Variants in DTNBP1 observed in about 807,000 individuals in gnomAD.
DTNBP1 encodes the protein dystrobrevin binding protein 1, also known as dysbindin.
In DTNBP1, 35 loss-of-function variants were observed where a neutral mutation model predicts 42.8. The observed-to-expected ratio is 0.82, with a 90% CI of 0.63 to 1.09. The LOEUF (loss-of-function observed/expected upper bound fraction) is 1.09. Ranked by LOEUF, DTNBP1 falls within the 50% of genes least tolerant of loss-of-function variation. The pLI is 0.00. For missense variants in DTNBP1, 457 were observed against 424.2 expected, an observed-to-expected ratio of 1.08 and a Z score of -0.68; for synonymous variants, 171 against 162.2, an observed-to-expected ratio of 1.05 and a Z score of -0.41.
intron 7 of DTNBP1, among the ~76,000 whole-genome samples, chr6:15,571,736 G>A (rs911477601): frequency 2.0e-5 from 3 of 152,130 alleles, no homozygotes; most frequent in Non-Finnish European, 4.4e-5. Context: ...CAGCTGCACT[G>A]TGAACTTCCT....
intron 7 of DTNBP1, among the ~76,000 whole-genome samples, chr6:15,549,505 A>AG: frequency 6.6e-6 from 1 of 150,904 alleles, no homozygotes; most frequent in East Asian, 1.9e-4. Context: ...AAAAAAAAAA[A>AG]AAAAAAAAAA....
intron 3 of DTNBP1, among the ~76,000 whole-genome samples, chr6:15,649,758 G>A (rs1195404481): frequency 6.6e-6 from 1 of 152,144 alleles, no homozygotes; most frequent in East Asian, 1.9e-4. Context: ...TCAGTGCGAT[G>A]TATAAACACA....
At chr6:15,577,478 TG>T (rs1298980978) in intron 7 of DTNBP1, among the ~76,000 whole-genome samples, 1 of 152,220 alleles carries the variant, frequency 6.6e-6, no homozygotes, top group Admixed American at 6.5e-5. Flanking sequence ...CAGCACTGGC[TG>T]GATTTACTGA....
chr6:15,578,952 C>T (rs1775698558), intron 7 of DTNBP1, among the ~76,000 whole-genome samples: 1 of 152,192 alleles, frequency 6.6e-6, no homozygotes, highest in Non-Finnish European at 1.5e-5. Flanking sequence ...GTTGGTCAGA[C>T]TGTAAATTAT....
At chr6:15,621,229 T>TG (rs1446869811) in intron 5 of DTNBP1, among the ~76,000 whole-genome samples, 2 of 152,270 alleles carry the variant, frequency 1.3e-5, no homozygotes, top group Non-Finnish European at 2.9e-5. Flanking sequence ...AACTATGTAA[T>TG]GGAGCCAACA....
chr6:15,579,938 T>A (rs1459970268), intron 7 of DTNBP1: 1 of 364,464 alleles, frequency 2.7e-6, no homozygotes, highest in African/African-American at 2.1e-5. Context: ...CTTTACAGTG[T>A]ACCACACAAA....
intron 1 of DTNBP1, among the ~76,000 whole-genome samples, chr6:15,660,815 C>T (rs1232969061): frequency 2.6e-5 from 4 of 152,074 alleles, no homozygotes; most frequent in Non-Finnish European, 5.9e-5. Context: ...ACCATGTGAC[C>T]TAGAGTTATA....
At chr6:15,651,205 A>T in intron 3 of DTNBP1, 108 bp downstream of exon 3, 1 of 980,528 alleles carries the variant, frequency 1.0e-6, no homozygotes, top group Non-Finnish European at 1.6e-6. Context: ...TCACTGCATT[A>T]AGATAAAATT....
chr6:15,523,605 T>C (rs1772096260), intron 9 of DTNBP1: 1 of 1,287,874 alleles, frequency 7.8e-7, no homozygotes, highest in Non-Finnish European at 1.0e-6. Flanking sequence ...GAGACACCAC[T>C]GCTGAGAAAG....
intron 7 of DTNBP1, among the ~76,000 whole-genome samples, chr6:15,558,431 T>C (rs1337619672): frequency 6.6e-6 from 1 of 152,150 alleles, no homozygotes; most frequent in Non-Finnish European, 1.5e-5. Flanking sequence ...CACACTCAGC[T>C]AATTTTTGTA....
chr6:15,662,733 G>C (rs550524922), intron 1 of DTNBP1, 81 bp downstream of exon 1: 4 of 1,580,550 alleles, frequency 2.5e-6, no homozygotes, highest in African/African-American at 2.7e-5. Context: ...ACCGTGGCGC[G>C]GGGAAGGGAG....
intron 7 of DTNBP1, among the ~76,000 whole-genome samples, chr6:15,567,579 G>A (rs897339633): frequency 3.3e-5 from 5 of 152,104 alleles, no homozygotes; most frequent in Non-Finnish European, 5.9e-5. Flanking sequence ...CCAGAAAATC[G>A]TACAATTCAC....
In DTNBP1 at chr6:15,525,070, C is replaced by T. The variant is rs151247578; in HGVS notation, c.668-401G>A. Among the ~76,000 whole-genome samples, 547 of 152,348 alleles carry T rather than the reference C, an allele frequency of 3.6e-3. 1 individual carries two copies. The highest frequency in any genetic ancestry group is 6.1e-3 in the Non-Finnish European group (417 of 68,032). ...TGCCTACAGGTGCCCTGAACCTTCC[C>T]GGCAGGCGCACTCCTCTAATTGCAA... On this transcript the variant is annotated intron_variant, in intron 8 of 9. Transcript: ENST00000344537.
intron 5 of DTNBP1, among the ~76,000 whole-genome samples, chr6:15,627,022 A>G (rs1581409264): frequency 6.6e-6 from 1 of 152,324 alleles, no homozygotes; most frequent in Middle Eastern, 3.4e-3. Context: ...AGTAAGGACA[A>G]AGTCACCTAA....
At chr6:15,582,734 T>G (rs770215987) in intron 7 of DTNBP1, among the ~76,000 whole-genome samples, 1 of 152,228 alleles carries the variant, frequency 6.6e-6, no homozygotes, top group African/African-American at 2.4e-5. Flanking sequence ...AATTCCATTT[T>G]ATCTACCATA....
chr6:15,616,382 T>A (rs552031427), intron 5 of DTNBP1, among the ~76,000 whole-genome samples: 51 of 152,332 alleles, frequency 3.3e-4, no homozygotes, highest in African/African-American at 1.2e-3. Flanking sequence ...AAGACAGTCC[T>A]GGAGCTCAAG....
At position 15,529,177 on chromosome 6, in the gene DTNBP1, C is replaced by T. The variant is rs564063780; in HGVS notation, c.667+4063G>A. 1.3e-4 allele frequency among the ~76,000 whole-genome samples: 20 copies of T among 152,218 alleles called. No homozygotes were observed. The Middle Eastern group carries it at 0.01, about 78-fold the overall frequency. ...GTGCACACCTGTCGTCTCAGCTACT[C>T]GGGAGTCTGAGGTGGGAGAACCACT... On this transcript the variant is annotated intron_variant, in intron 8 of 9. Coordinates refer to ENST00000344537, the MANE Select transcript of DTNBP1 (RefSeq NM_032122.5).
At chr6:15,573,860 CCAT>C (rs1288468053) in intron 7 of DTNBP1, among the ~76,000 whole-genome samples, 4 of 152,060 alleles carry the variant, frequency 2.6e-5, no homozygotes, top group African/African-American at 4.8e-5. Context: ...GTGCCCACCA[CCAT>C]GCCTGGCTAA....
chr6:15,562,673 G>A (rs1207795342), intron 7 of DTNBP1, among the ~76,000 whole-genome samples: 2 of 152,182 alleles, frequency 1.3e-5, no homozygotes, highest in Non-Finnish European at 2.9e-5. Flanking sequence ...GTGTGCCGGG[G>A]AATGGAGTAG....
Sources: allele counts gnomAD v4.1 joint callset (sites outside exome capture counted in the v4.1 genomes callset), GRCh38; gene constraint gnomAD v4.1.1; transcripts MANE v1.5; gene names NCBI Gene and HGNC (gene_info 2026-07-23, HGNC 2026-07-21).